KY: variants seen among roughly 807,000 people sequenced by gnomAD.
KY encodes kyphoscoliosis peptidase.
A neutral mutation model predicts 76.1 loss-of-function variants in KY; 43 were observed. The observed-to-expected ratio is 0.57, with a 90% CI of 0.44 to 0.73. The LOEUF (loss-of-function observed/expected upper bound fraction) is 0.73. KY is among the 30% of genes least tolerant of loss of function. KY has a pLI of 0.00. For missense variants in KY, 722 were observed against 828.9 expected, an observed-to-expected ratio of 0.87 and a Z score of 1.58; for synonymous variants, 277 against 326.2, an observed-to-expected ratio of 0.85 and a Z score of 1.63.
At chr3:134,641,569 C>T (rs1351757413) in intron 3 of KY, among the ~76,000 whole-genome samples, 5 of 152,132 alleles carry the variant, frequency 3.3e-5, no homozygotes, top group East Asian at 1.9e-4. Context: ...AACGCTGGCC[C>T]GGCTGACACT....
chr3:134,623,874 GC>G (rs1963046193), intron 6 of KY, among the ~76,000 whole-genome samples: 1 of 152,046 alleles, frequency 6.6e-6, no homozygotes, highest in Admixed American at 6.5e-5. Context: ...CCTTGCCCCA[GC>G]CCCTTTGATG....
At chr3:134,629,407 T>C (rs1402655507) in intron 4 of KY, 12 of 547,640 alleles carry the variant, frequency 2.2e-5, no homozygotes, top group East Asian at 5.7e-5. Flanking sequence ...GTGTTACCTA[T>C]GACTAGTTCC....
intron 4 of KY, 121 bp from the exon 5 acceptor site, chr3:134,627,939 G>A (rs2107891125): frequency 1.3e-6 from 1 of 758,286 alleles, no homozygotes; most frequent in East Asian, 2.6e-5. Context: ...CCTTTTCACA[G>A]TCTCCTTGTT....
chr3:134,608,966 G>T (rs541340215), intron 9 of KY, 127 bp from the exon 10 acceptor site: 66 of 1,076,436 alleles, frequency 6.1e-5, no homozygotes, highest in Non-Finnish European at 8.3e-5. Flanking sequence ...CCTAACATGG[G>T]CACTGGAGAC....
intron 8 of KY, among the ~76,000 whole-genome samples, chr3:134,614,588 G>A (rs1006141064): frequency 2.0e-5 from 3 of 152,010 alleles, no homozygotes; most frequent in African/African-American, 7.2e-5. Context: ...GGGCAGCCAA[G>A]CAGAAGGCAA....
chr3:134,603,722 A>G lies in KY; in HGVS notation c.1843T>C (p.Trp615Arg). 1 of 1,613,710 alleles carries G rather than the reference A, an allele frequency of 6.2e-7. No homozygotes were observed. Residue 615 changes from tryptophan to arginine, a missense_variant, in exon 11 of 11, where the codon TGG becomes CGG. Coordinates refer to ENST00000423778, the MANE Select transcript of KY (RefSeq NM_178554.6). ...AKVLVKGQDT[W>R]PLTLNHEGYW... ...CCCTCGTGGTTCAGGGTCAGGGGCC[A>G]TGTGTCCTGCCCCTTCACCAGGACT...
intron 3 of KY, among the ~76,000 whole-genome samples, chr3:134,636,643 G>C (rs1050255003): frequency 1.3e-4 from 20 of 152,168 alleles, no homozygotes; most frequent in African/African-American, 4.6e-4. Flanking sequence ...AGATCAGCTG[G>C]GTGTGGCTCC....
chr3:134,601,741 G>A lies in KY; in HGVS notation c.*1838C>T, dbSNP rs1201830893. ...GACACCCCTTTTGCTCGAGGCCGCCGGCCTGTTGGATGATGGGCACCCTTG... is the reference window on the plus strand; with the variant it reads ...GACACCCCTTTTGCTCGAGGCCGCCAGCCTGTTGGATGATGGGCACCCTTG... On this transcript the variant is annotated 3_prime_UTR_variant, in exon 11 of 11. Transcript: ENST00000423778. 1.3e-5 allele frequency among the ~76,000 whole-genome samples: 2 copies of A among 152,230 alleles called. No individual in the cohort carries two copies. The highest frequency in any genetic ancestry group is 2.9e-5 in the Non-Finnish European group (2 of 68,046).
At chr3:134,636,897 G>A (rs1965050965) in intron 3 of KY, among the ~76,000 whole-genome samples, 1 of 152,070 alleles carries the variant, frequency 6.6e-6, no homozygotes, top group Admixed American at 6.5e-5. Flanking sequence ...TTCTTATTTT[G>A]TGAATTGGCT....
In KY at chr3:134,607,110, G is replaced by C. The variant is rs979813261; in HGVS notation, c.1090+1539C>G. 3 of 985,256 alleles carry C rather than the reference G, an allele frequency of 3.0e-6. No homozygotes were observed. The African/African-American group carries it at 5.2e-5, about 17-fold the overall frequency. 61.0% of individuals were successfully genotyped at this position (985,256 alleles called of 1,614,324 possible). A position where few individuals can be genotyped will look rare whatever the true frequency, so the allele number is the denominator to read the frequency against. ...AAACTCCACTCAATGACATCAGTTTGGTGTTGCTTTGACCTGGTCAGTTCT... is the reference window on the plus strand; with the variant it reads ...AAACTCCACTCAATGACATCAGTTTCGTGTTGCTTTGACCTGGTCAGTTCT... On this transcript the variant is annotated intron_variant, in intron 10 of 10. Transcript: ENST00000423778.
At chr3:134,648,058 G>A (rs1966642324) in intron 1 of KY, among the ~76,000 whole-genome samples, 1 of 152,218 alleles carries the variant, frequency 6.6e-6, no homozygotes, top group Non-Finnish European at 1.5e-5. Flanking sequence ...AACAGGGAAG[G>A]GAAGGAAAGC....
intron 8 of KY, among the ~76,000 whole-genome samples, chr3:134,618,468 T>C (rs1961967433): frequency 6.6e-6 from 1 of 152,160 alleles, no homozygotes; most frequent in African/African-American, 2.4e-5. Context: ...GACTGTTTTC[T>C]GGAGGAACCC....
chr3:134,608,238 G>C, intron 10 of KY: 1 of 1,191,898 alleles, frequency 8.4e-7, no homozygotes, highest in Non-Finnish European at 1.1e-6. Context: ...GAGCCCAGAG[G>C]CTATGTGTAG....
chr3:134,620,757 T>C lies in KY; in HGVS notation c.584A>G (p.His195Arg), dbSNP rs752972538. The C allele has an allele frequency of 1.9e-6, 3 of 1,613,086 alleles. No individual in the cohort carries two copies. The highest frequency in any genetic ancestry group is 4.5e-5 in the East Asian group (2 of 44,868). The change falls in exon 7 of 11, where the codon CAT becomes CGT. Residue 195 changes from histidine (H) to arginine (R), a missense_variant. Transcript: ENST00000423778. ...TCCACAGGGGGGCCTACCTATGTGA[T>C]GGCAGATCCAGATCCAGATGGCGCG... The part of the protein sequence containing the change: ...RVRAIWIWIC[H>R]HIEYDIAAAQ...
intron 8 of KY, among the ~76,000 whole-genome samples, chr3:134,617,154 A>C (rs891866919): frequency 2.0e-5 from 3 of 152,220 alleles, no homozygotes; most frequent in African/African-American, 7.2e-5. Context: ...CATTCCTTCT[A>C]CAGTATGCTA....
At chr3:134,637,630 A>G (rs1191085519) in intron 3 of KY, among the ~76,000 whole-genome samples, 3 of 152,196 alleles carry the variant, frequency 2.0e-5, no homozygotes, top group Non-Finnish European at 4.4e-5. Context: ...CTCTTCCCCA[A>G]ACTTCTCATA....
chr3:134,610,676 T>G, intron 8 of KY: 2 of 298,046 alleles, frequency 6.7e-6, no homozygotes, highest in Non-Finnish European at 6.2e-6. Context: ...TGTTCATCCC[T>G]AGAGCCTGCT....
Position 134,647,427 on chromosome 3 carries a change from G to T in KY, c.199+8C>A, listed in dbSNP as rs1309915492. 1.5e-5 allele frequency: 24 copies of T among 1,601,024 alleles called. No homozygotes were observed. The highest frequency in any genetic ancestry group is 2.0e-5 in the Non-Finnish European group (23 of 1,170,010). On this transcript the variant is annotated splice_region_variant and intron_variant, in intron 2 of 10. Transcript: ENST00000423778. Reference sequence around the variant, plus strand: ...ATCCTATAGGTTGAAAGGAAAAAGAGAATTTACCGTGAAAGTCATTTCCTT... The same window carrying T: ...ATCCTATAGGTTGAAAGGAAAAAGATAATTTACCGTGAAAGTCATTTCCTT...
rs370377310 is a variant in KY at position 134,604,308 on chromosome 3, C to T, written c.1257G>A (p.Lys419=). 1.2e-6 allele frequency: 2 copies of T among 1,613,846 alleles called. No individual in the cohort carries two copies. The highest frequency in any genetic ancestry group is 1.7e-6 in the Non-Finnish European group (2 of 1,179,892). The change falls in exon 11 of 11, where the codon AAG becomes AAA. Residue 419 remains lysine, a synonymous_variant. Transcript: ENST00000423778. ...CTGAGCTGTAGATGTCGGAGTTGCCCTTGGCAAAGATCTGCAGCTTGTGAG... is the reference window on the plus strand; with the variant it reads ...CTGAGCTGTAGATGTCGGAGTTGCCTTTGGCAAAGATCTGCAGCTTGTGAG... ...MGTHKLQIFA[K]GNSDIYSSVL... is the part of the protein sequence containing the mutation.
Sources: allele counts gnomAD v4.1 joint callset (sites outside exome capture counted in the v4.1 genomes callset), GRCh38; gene constraint gnomAD v4.1.1; transcripts MANE v1.5; gene names NCBI Gene and HGNC (gene_info 2026-07-23, HGNC 2026-07-21).